CD226: variants seen among roughly 807,000 people sequenced by gnomAD.
CD226 encodes the protein CD226 molecule, also known as CD226 antigen.
In CD226, 24 loss-of-function variants were observed where a neutral mutation model predicts 34.9. The ratio of observed to expected loss-of-function variants is 0.69; its 90% confidence interval spans 0.50 to 0.97. The LOEUF is 0.97. Among genes scored for constraint, CD226 ranks in the 50% least tolerant of loss-of-function variants. CD226 has a pLI of 0.00. For missense variants in CD226, 397 were observed against 412.7 expected (o/e 0.96, Z 0.33); for synonymous variants, 148 against 147.4 (o/e 1.00, Z -0.03).
chr18:69,939,030 G>C (rs915871345), intron 2 of CD226, among the ~76,000 whole-genome samples: 4 of 152,224 alleles, frequency 2.6e-5, no homozygotes, highest in African/African-American at 9.7e-5. Flanking sequence ...AGGTTGCAAT[G>C]AGCTGAGATC....
intron 2 of CD226, among the ~76,000 whole-genome samples, chr18:69,913,134 G>A (rs1020089647): frequency 1.3e-5 from 2 of 152,198 alleles, no homozygotes; most frequent in African/African-American, 2.4e-5. Flanking sequence ...TCTGGGATGC[G>A]CCGTCATACC....
chr18:69,898,112 A>G (rs1427363071), intron 2 of CD226, among the ~76,000 whole-genome samples: 1 of 152,230 alleles, frequency 6.6e-6, no homozygotes, highest in African/African-American at 2.4e-5. Flanking sequence ...AAATTAAAAC[A>G]GGGAAAGGAA....
intron 3 of CD226, among the ~76,000 whole-genome samples, chr18:69,883,345 C>T (rs1043203968): frequency 1.3e-5 from 2 of 151,974 alleles, no homozygotes; most frequent in African/African-American, 4.8e-5. Flanking sequence ...GGAAAACAAA[C>T]GAGGTAGGTG....
intron 2 of CD226, among the ~76,000 whole-genome samples, chr18:69,935,036 C>G (rs2055634972): frequency 1.3e-5 from 2 of 152,160 alleles, no homozygotes; most frequent in Admixed American, 6.6e-5. Flanking sequence ...AACTTAGAAA[C>G]CAGATCTTTT....
At chr18:69,877,048 G>A (rs1599382692) in intron 3 of CD226, among the ~76,000 whole-genome samples, 2 of 151,902 alleles carry the variant, frequency 1.3e-5, no homozygotes, top group South Asian at 4.2e-4. Context: ...ATTTTTAGTA[G>A]AGACGGGGTT....
intron 2 of CD226, among the ~76,000 whole-genome samples, chr18:69,924,692 C>CAAAAAAAAAAAAAAAAAAAAAAA (rs56118102): frequency 1.8e-5 from 1 of 57,126 alleles, no homozygotes; most frequent in East Asian, 8.2e-4. Context: ...AAGGTATTGC[C>CAAAAAAAAAAAAAAAAAAAAAAA]AAAAAAAAAA....
At chr18:69,927,658 C>A (rs1466620750) in intron 2 of CD226, among the ~76,000 whole-genome samples, 1 of 152,054 alleles carries the variant, frequency 6.6e-6, no homozygotes, top group Non-Finnish European at 1.5e-5. Flanking sequence ...TGGCTTTGTT[C>A]ATTTGGAATA....
At position 69,861,453 on chromosome 18, in the gene CD226, C is replaced by T. The variant is rs1424073550; in HGVS notation, c.*2861G>A. Reference sequence around the variant, plus strand: ...TATCTTATTATAACAAAGTAATTTCCTTTCATTGGTTACTTTAACATAAAT... The same window carrying T: ...TATCTTATTATAACAAAGTAATTTCTTTTCATTGGTTACTTTAACATAAAT... On this transcript the variant is annotated 3_prime_UTR_variant, in exon 6 of 6. Transcript: ENST00000582621. 2 of 149,686 alleles carry T rather than the reference C, an allele frequency of 1.3e-5. No individual in the cohort carries two copies. The highest frequency in any genetic ancestry group is 3.0e-5 in the Non-Finnish European group (2 of 67,432). 9.3% of individuals were successfully genotyped at this position (149,686 alleles called of 1,614,324 possible).
At chr18:69,954,339 C>T (rs1269225765) in intron 1 of CD226, among the ~76,000 whole-genome samples, 1 of 152,100 alleles carries the variant, frequency 6.6e-6, no homozygotes. Flanking sequence ...TCATGATAGT[C>T]GAGGTTGTCA....
chr18:69,860,365 T>C lies in CD226; in HGVS notation c.*3949A>G, dbSNP rs191217719. On this transcript the variant is annotated 3_prime_UTR_variant, in exon 6 of 6. Coordinates refer to ENST00000582621, the MANE Select transcript of CD226 (RefSeq NM_001303618.2). The stretch of plus-strand genomic sequence containing the variant: ...AAAAGTGTTCTGAACAGGTTGACCA[T>C]ATAACTTATTCTAACAAGGATAATA... 6.6e-5 allele frequency: 10 copies of C among 152,348 alleles called. No homozygotes were observed. In the East Asian group the frequency reaches 1.7e-3, roughly 26 times the overall value. 9.4% of individuals were successfully genotyped at this position (152,348 alleles called of 1,614,324 possible). A position where few individuals can be genotyped will look rare whatever the true frequency, so the allele number is the denominator to read the frequency against.
At chr18:69,958,561 A>G (rs925854232), upstream of CD226, among the ~76,000 whole-genome samples, 14 of 152,290 alleles carry the variant, frequency 9.2e-5, no homozygotes, top group Non-Finnish European at 2.1e-4. Flanking sequence ...CCCTGAAGTG[A>G]ACCTCACACA....
chr18:69,950,169 C>T (rs1299390861), upstream of CD226, among the ~76,000 whole-genome samples: 2 of 22,828 alleles, frequency 8.8e-5, no homozygotes, highest in African/African-American at 9.1e-5. Context: ...TACTCTCAAA[C>T]ACACTCGTAC....
intron 2 of CD226, among the ~76,000 whole-genome samples, chr18:69,904,022 G>A (rs988437451): frequency 3.3e-5 from 5 of 152,036 alleles, no homozygotes; most frequent in Admixed American, 6.6e-5. Context: ...CTTCCCACAC[G>A]TTGCCATTTT....
chr18:69,926,392 G>C (rs2055522187), intron 2 of CD226, among the ~76,000 whole-genome samples: 1 of 151,966 alleles, frequency 6.6e-6, no homozygotes, highest in Admixed American at 6.6e-5. Flanking sequence ...CATCCAACTT[G>C]AACAATGAGG....
chr18:69,945,766 G>C (rs1346816306), intron 2 of CD226, among the ~76,000 whole-genome samples: 3 of 152,048 alleles, frequency 2.0e-5, no homozygotes, highest in Admixed American at 6.5e-5. Flanking sequence ...CCCAAGACTG[G>C]GCAATTTACA....
At chr18:69,892,399 A>T (rs1984956254) in intron 3 of CD226, among the ~76,000 whole-genome samples, 1 of 152,194 alleles carries the variant, frequency 6.6e-6, no homozygotes, top group Admixed American at 6.5e-5. Context: ...GCCAAAAATA[A>T]CTGTAGTCAC....
chr18:69,904,299 T>G (rs1035446968), intron 2 of CD226, among the ~76,000 whole-genome samples: 1 of 152,198 alleles, frequency 6.6e-6, no homozygotes, highest in African/African-American at 2.4e-5. Flanking sequence ...AAGAGATGAT[T>G]TGCAGTATGT....
intron 2 of CD226, among the ~76,000 whole-genome samples, chr18:69,938,580 T>C (rs2055683933): frequency 6.6e-6 from 1 of 152,254 alleles, no homozygotes; most frequent in Admixed American, 6.5e-5. Context: ...ACAGACTTAA[T>C]TCCACTCTTG....
intron 2 of CD226, among the ~76,000 whole-genome samples, chr18:69,918,187 AG>A (rs941863035): frequency 1.5e-4 from 23 of 152,262 alleles, no homozygotes; most frequent in African/African-American, 5.3e-4. Context: ...GCTTACAAAA[AG>A]AGTCACCTAC....
Sources: gnomAD v4.1 joint callset for allele counts (sites outside exome capture counted in the v4.1 genomes callset) on GRCh38, gnomAD v4.1.1 for gene constraint, MANE v1.5 for transcripts, NCBI Gene and HGNC (gene_info 2026-07-23, HGNC 2026-07-21) for gene names.